The following ADK variants were observed in gnomAD, a reference collection of about 807,000 sequenced individuals.
ADK encodes the protein N6,N6-dimethyladenosine kinase.
A neutral mutation model predicts 44.7 loss-of-function variants in ADK; 24 were observed. The ratio of observed to expected loss-of-function variants is 0.54; its 90% CI spans 0.39 to 0.76. ADK has a LOEUF of 0.76. ADK is among the 30% of genes least tolerant of loss of function. The probability of loss-of-function intolerance (pLI) is 0.00; values close to 1 mark genes in which losing one functional copy is unlikely to be tolerated. For synonymous variants in ADK, 128 were observed against 142.6 expected, an observed-to-expected ratio of 0.90 and a Z score of 0.73; for missense variants, 321 against 425.1, an observed-to-expected ratio of 0.76 and a Z score of 2.15.
intron 10 of ADK, among the ~76,000 whole-genome samples, chr10:74,673,266 A>T (rs544624687): frequency 6.6e-6 from 1 of 152,260 alleles, no homozygotes; most frequent in Non-Finnish European, 1.5e-5. Context: ...CTACAGAGAT[A>T]CAGAAAGCCA....
intron 7 of ADK, among the ~76,000 whole-genome samples, chr10:74,530,868 C>T (rs112045405): frequency 0.03 from 4,527 of 152,028 alleles, 195 homozygotes; most frequent in African/African-American, 0.091. Context: ...GAGGTTGCAG[C>T]GAGCCAAAAT....
intron 2 of ADK, among the ~76,000 whole-genome samples, chr10:74,205,678 A>T (rs2132169750): frequency 6.7e-6 from 1 of 150,142 alleles, no homozygotes; most frequent in Admixed American, 6.6e-5. Flanking sequence ...TCTGTCTCAA[A>T]AAAAAAAAAA....
At chr10:74,459,727 CAA>C (rs986375076) in intron 6 of ADK, among the ~76,000 whole-genome samples, 2 of 42,790 alleles carry the variant, frequency 4.7e-5, no homozygotes, top group Admixed American at 2.6e-4. Context: ...GACTCCATCT[CAA>C]AAAAAAAAAA....
At chr10:74,180,784 G>T (rs1033305376) in intron 1 of ADK, among the ~76,000 whole-genome samples, 2 of 151,858 alleles carry the variant, frequency 1.3e-5, no homozygotes, top group East Asian at 3.9e-4. Flanking sequence ...AATTCCTGAC[G>T]TCGTGATCCC....
intron 10 of ADK, among the ~76,000 whole-genome samples, chr10:74,678,402 AAGAG>A (rs1484394770): frequency 6.6e-6 from 1 of 152,368 alleles, no homozygotes; most frequent in Non-Finnish European, 1.5e-5. Flanking sequence ...GATTTAAAAA[AAGAG>A]AGAGAGAAAT....
chr10:74,706,498 A>T (rs529655877), intron 10 of ADK, among the ~76,000 whole-genome samples: 41 of 152,138 alleles, frequency 2.7e-4, no homozygotes, highest in Non-Finnish European at 5.1e-4. Flanking sequence ...ACAATTTGTT[A>T]AAGTGTCCTT....
At chr10:74,497,229 T>C (rs1194127004) in intron 6 of ADK, among the ~76,000 whole-genome samples, 1 of 152,272 alleles carries the variant, frequency 6.6e-6, no homozygotes, top group Non-Finnish European at 1.5e-5. Context: ...AGGGTGATGC[T>C]TGAGTGTAAG....
At chr10:74,582,176 T>C (rs1187528772) in intron 7 of ADK, among the ~76,000 whole-genome samples, 1 of 152,002 alleles carries the variant, frequency 6.6e-6, no homozygotes, top group Admixed American at 6.6e-5. Flanking sequence ...ATACAAAAAT[T>C]AGCTGAGCAT....
At position 74,182,110 on chromosome 10, in the gene ADK, A is replaced by AG. The variant is rs547790700; in HGVS notation, c.66-18654_66-18653insG. On this transcript the variant is annotated intron_variant, in intron 1 of 10. Transcript: ENST00000539909. ...CAATAGAATCTGCCAAGCCACTCAG[A>AG]ACATTCATATGGAGACTAAAATCTG... Among the ~76,000 whole-genome samples the AG allele has an allele frequency of 2.0e-4, 30 of 152,328 alleles. No homozygotes were observed. In the South Asian group the frequency reaches 5.8e-3, roughly 29 times the overall value.
intron 10 of ADK, among the ~76,000 whole-genome samples, chr10:74,695,223 C>T (rs1398897155): frequency 2.6e-5 from 4 of 152,076 alleles, no homozygotes; most frequent in African/African-American, 7.2e-5. Context: ...TGTTCTTGAT[C>T]CTTTGCTTTT....
At chr10:74,657,121 T>G (rs1156795991) in intron 9 of ADK, among the ~76,000 whole-genome samples, 1 of 152,124 alleles carries the variant, frequency 6.6e-6, no homozygotes, top group Admixed American at 6.5e-5. Context: ...AGACTGGTCT[T>G]GAGCTCCTGG....
rs71021600 is a variant in ADK, at chr10:74,284,266, ATTT to A, written c.195-30385_195-30383del. On this transcript the variant is annotated intron_variant, in intron 3 of 10. Transcript: ENST00000539909. ...TGAGCCACCACGCCTGGCAAATTCT[ATTT>A]TTTTTTTTTTTTTTTGAGACGGAAT... Among the ~76,000 whole-genome samples the A allele has an allele frequency of 1.9e-3, 246 of 129,290 alleles. 1 individual carries two copies. Among genetic ancestry groups the A allele is most frequent in the African/African-American group, 5.9e-3 (209 of 35,382 alleles). The allele number at this position is 129,290 out of a possible 152,430, so 84.8% of individuals were successfully genotyped here.
intron 3 of ADK, among the ~76,000 whole-genome samples, chr10:74,240,212 G>A (rs1255770119): frequency 2.0e-5 from 3 of 151,994 alleles, no homozygotes; most frequent in South Asian, 2.1e-4. Flanking sequence ...ACAGGGTTTC[G>A]CCATGTTGTC....
chr10:74,159,905 A>G (rs995091407), intron 1 of ADK, among the ~76,000 whole-genome samples: 2 of 152,080 alleles, frequency 1.3e-5, no homozygotes, highest in African/African-American at 4.8e-5. Flanking sequence ...AAGTCCATCT[A>G]AATATGACTC....
chr10:74,312,494 T>C (rs1054025925), intron 3 of ADK, among the ~76,000 whole-genome samples: 1 of 151,606 alleles, frequency 6.6e-6, no homozygotes, highest in African/African-American at 2.4e-5. Context: ...TTTTTAAAAA[T>C]TGCACATTTA....
chr10:74,370,748 A>G (rs1263226323), intron 4 of ADK, among the ~76,000 whole-genome samples: 1 of 152,020 alleles, frequency 6.6e-6, no homozygotes, highest in Non-Finnish European at 1.5e-5. Flanking sequence ...TTCTTTTAAA[A>G]AAATACAATT....
At chr10:74,163,750 A>C (rs1841963125) in intron 1 of ADK, among the ~76,000 whole-genome samples, 2 of 152,220 alleles carry the variant, frequency 1.3e-5, no homozygotes, top group South Asian at 4.1e-4. Context: ...AAATTATCTA[A>C]GTTTTTGAGG....
chr10:74,250,947 G>T (rs1165720562), intron 3 of ADK, among the ~76,000 whole-genome samples: 3 of 151,878 alleles, frequency 2.0e-5, no homozygotes, highest in Non-Finnish European at 4.4e-5. Flanking sequence ...TCATTATGTT[G>T]CCCAGGCTGG....
intron 4 of ADK, among the ~76,000 whole-genome samples, chr10:74,319,403 G>C (rs952336157): frequency 6.6e-6 from 1 of 152,116 alleles, no homozygotes; most frequent in African/African-American, 2.4e-5. Flanking sequence ...GCCTCTTTGC[G>C]TGGTGGTTTC....
Sources: allele counts gnomAD v4.1 joint callset (sites outside exome capture counted in the v4.1 genomes callset), GRCh38; gene constraint gnomAD v4.1.1; transcripts MANE v1.5; gene names NCBI Gene and HGNC (gene_info 2026-07-23, HGNC 2026-07-21).